The following NEK3 variants were observed in gnomAD, a reference collection of about 807,000 sequenced individuals.
The protein encoded by NEK3 is serine/threonine-protein kinase Nek3.
A neutral mutation model predicts 66.0 loss-of-function variants in NEK3; 54 were observed. The observed-to-expected ratio is 0.82, with a 90% CI of 0.66 to 1.03. The LOEUF (loss-of-function observed/expected upper bound fraction) is 1.03. NEK3 is among the 50% of genes least tolerant of loss of function. The pLI, the probability that NEK3 is intolerant of heterozygous loss-of-function variation, is 0.00. For synonymous variants in NEK3, 200 were observed against 206.2 expected (o/e 0.97, Z 0.26); for missense variants, 593 against 603.0 (o/e 0.98, Z 0.17).
rs1411678031 is a variant in NEK3, at chr13:52,132,784, C to T, written c.*358G>A. ...GTGGTCAGCATCCCTCTGAGGTAGG[C>T]ATTATTATCTTCATTTTATGGTTGA... is the stretch of plus-strand genomic sequence containing the variant. On this transcript the variant is annotated 3_prime_UTR_variant, in exon 16 of 16. Transcript: ENST00000610828. The T allele has an allele frequency of 3.9e-5, 8 of 205,224 alleles. No homozygotes were observed. The Admixed American group carries it at 4.3e-4, about 11-fold the overall frequency. 12.7% of individuals were successfully genotyped at this position (205,224 alleles called of 1,614,324 possible).
intron 11 of NEK3, among the ~76,000 whole-genome samples, 168 bp from the exon 12 acceptor site, chr13:52,137,070 A>G (rs1956212532): frequency 1.3e-5 from 2 of 152,122 alleles, no homozygotes; most frequent in African/African-American, 2.4e-5. Flanking sequence ...ATATATATCT[A>G]TATGTATTTA....
chr13:52,148,783 G>A (rs1369751963), intron 7 of NEK3, among the ~76,000 whole-genome samples: 10 of 152,184 alleles, frequency 6.6e-5, no homozygotes. Context: ...AAGGCATCCA[G>A]TGTAGTTTCT....
upstream of NEK3, chr13:52,159,836 GCTAGCTAGAACTTA>G (rs544886221): frequency 2.6e-5 from 4 of 152,400 alleles, no homozygotes; most frequent in South Asian, 8.3e-4. Context: ...AGCACTCAGT[GCTAGCTAGAACTTA>G]CTAGCTATGT....
At chr13:52,143,888 C>CA (rs1956271639) in intron 10 of NEK3, 27 bp downstream of exon 10, 3 of 1,233,910 alleles carry the variant, frequency 2.4e-6, no homozygotes, top group East Asian at 5.1e-5. Flanking sequence ...GAGCACTTAA[C>CA]AAAAAATACT....
chr13:52,149,181 G>A (rs917485483), intron 7 of NEK3, among the ~76,000 whole-genome samples: 2 of 151,774 alleles, frequency 1.3e-5, no homozygotes, highest in East Asian at 1.9e-4. Flanking sequence ...TTACAGGTGT[G>A]AGCCACCGCG....
chr13:52,144,800 A>C lies in NEK3; in HGVS notation c.695T>G (p.Phe232Cys). Residue 232 changes from phenylalanine to cysteine, a missense_variant, in exon 9 of 16, where the codon TTC (phenylalanine) becomes TGC (cysteine). Coordinates refer to ENST00000610828, the MANE Select transcript of NEK3 (RefSeq NM_002498.3). ...LPSHYSYELQ[F>C]LVKQMFKRNP... is the part of the protein sequence containing the mutation. ...CCTTTTAAACATCTGCTTGACTAGG[A>C]ACTGAAGTTCATAGGAGTAATGAGA... 6.2e-7 allele frequency: 1 copy of C among 1,613,584 alleles called. No homozygotes were observed. Among genetic ancestry groups the C allele is most frequent in the South Asian group, 1.1e-5 (1 of 91,012 alleles).
rs969236773 is a variant in NEK3, at chr13:52,133,087, T to A, written c.*55A>T. 1 of 1,356,852 alleles carries A rather than the reference T, an allele frequency of 7.4e-7. No homozygotes were observed. Among genetic ancestry groups the A allele is most frequent in the East Asian group, 2.4e-5 (1 of 42,108 alleles). 84.1% of individuals were successfully genotyped at this position (1,356,852 alleles called of 1,614,324 possible). ...GCATGAACTCATGATCATCTCAGCA[T>A]GAACTCCTGAGTGAAGCCTCTCCTC... On this transcript the variant is annotated 3_prime_UTR_variant, in exon 16 of 16. Coordinates refer to ENST00000610828, the MANE Select transcript of NEK3 (RefSeq NM_002498.3).
At position 52,155,995 on chromosome 13, in the gene NEK3, A is replaced by G. The variant is rs530412424; in HGVS notation, c.117+80T>C. 12 of 864,638 alleles carry G rather than the reference A, an allele frequency of 1.4e-5. No individual in the cohort carries two copies. The African/African-American group carries it at 1.5e-4, about 11-fold the overall frequency. The allele number at this position is 864,638 out of a possible 1,614,324, so 53.6% of individuals were successfully genotyped here. The stretch of plus-strand genomic sequence containing the variant: ...AGTGCTGGGATTACAGGTGTGAGCC[A>G]CTGTGCCTGGCCAAAAACTTATTCT... On this transcript the variant is annotated intron_variant, in intron 2 of 15. Coordinates refer to ENST00000610828, the MANE Select transcript of NEK3 (RefSeq NM_002498.3).
In NEK3 at chr13:52,132,993, A is replaced by T. The variant is rs1956166200; in HGVS notation, c.*149T>A. 1.5e-6 allele frequency: 1 copy of T among 661,016 alleles called. No homozygotes were observed. Among genetic ancestry groups the T allele is most frequent in the Admixed American group, 2.7e-5 (1 of 36,518 alleles). 40.9% of individuals were successfully genotyped at this position (661,016 alleles called of 1,614,324 possible). A position where few individuals can be genotyped will look rare whatever the true frequency, so the allele number is the denominator to read the frequency against. ...CTAGACTTTTCAAACTCACGATACT[A>T]ATCAAGAACGATTTTAAGTATTAAG... is the stretch of plus-strand genomic sequence containing the variant. On this transcript the variant is annotated 3_prime_UTR_variant, in exon 16 of 16. Transcript: ENST00000610828.
chr13:52,154,264 C>T, intron 2 of NEK3, 91 bp from the exon 3 acceptor site: 1 of 756,572 alleles, frequency 1.3e-6, no homozygotes, highest in East Asian at 2.8e-5. Flanking sequence ...CACTTTAATG[C>T]TAGATGCAGT....
chr13:52,146,660 T>G (rs1171312879), intron 8 of NEK3, among the ~76,000 whole-genome samples: 1 of 152,260 alleles, frequency 6.6e-6, no homozygotes, highest in Admixed American at 6.5e-5. Flanking sequence ...ATCACCTGTT[T>G]TAAAAACATT....
At chr13:52,145,937 G>A (rs1190565706) in intron 8 of NEK3, among the ~76,000 whole-genome samples, 1 of 152,094 alleles carries the variant, frequency 6.6e-6, no homozygotes, top group Non-Finnish European at 1.5e-5. Context: ...ATGTACCCCA[G>A]AACTTAAAAT....
intron 8 of NEK3, among the ~76,000 whole-genome samples, chr13:52,145,629 A>T (rs1358559104): frequency 1.3e-5 from 2 of 152,134 alleles, no homozygotes; most frequent in Non-Finnish European, 2.9e-5. Flanking sequence ...TTCCAATTTT[A>T]AACTTCTACT....
At position 52,135,753 on chromosome 13, in the gene NEK3, G is replaced by A. The variant is rs749800737; in HGVS notation, c.1285C>T (p.Gln429Ter). The A allele has an allele frequency of 1.7e-5, 27 of 1,613,330 alleles. No individual in the cohort carries two copies. In the Admixed American group the frequency reaches 2.0e-4, roughly 12 times the overall value. Residue 429 changes from glutamine to a stop codon, truncating the protein, a stop_gained, in exon 14 of 16, where the codon CAA (glutamine) becomes TAA (stop). Transcript: ENST00000610828. LOFTEE classifies it high-confidence loss of function. ...CCTGGTCTATATATTGTGTATGTTT[G>A]AAAAGCCAAGCTGAGATCAGCATTC... Reference protein sequence around the residue: ...LKNADLSLAFQTYTIYRPGSE... With the variant: ...LKNADLSLAF
At chr13:52,150,500 CA>C (rs1447679142) in intron 7 of NEK3, among the ~76,000 whole-genome samples, 2 of 152,148 alleles carry the variant, frequency 1.3e-5, no homozygotes, top group African/African-American at 2.4e-5. Flanking sequence ...ATGTTATTGG[CA>C]GTTAAGAAAA....
intron 11 of NEK3, among the ~76,000 whole-genome samples, chr13:52,140,328 G>A (rs1363870792): frequency 3.3e-5 from 5 of 151,948 alleles, no homozygotes; most frequent in Non-Finnish European, 7.4e-5. Context: ...AAAAATGGAG[G>A]CCGGGCACGG....
At position 52,144,842 on chromosome 13, in the gene NEK3, C is replaced by A; in HGVS notation, c.653G>T (p.Cys218Phe). Residue 218 changes from cysteine to phenylalanine, a missense_variant, in exon 9 of 16, where the codon TGC (cysteine) becomes TTC (phenylalanine). Physicochemically the swap from Cys to Phe is radical, Grantham distance 205 (BLOSUM62 -2). Transcript: ENST00000610828. Reference sequence around the variant, plus strand: ...GTAATGAGACGGCAGTGGACTGATGCACCCTTGACATACTTTGAGGATAAG... The same window carrying A: ...GTAATGAGACGGCAGTGGACTGATGAACCCTTGACATACTTTGAGGATAAG... ...KNLILKVCQG[C>F]ISPLPSHYSY... 6.2e-7 allele frequency: 1 copy of A among 1,612,460 alleles called. No homozygotes were observed. Among genetic ancestry groups the A allele is most frequent in the Non-Finnish European group, 8.5e-7 (1 of 1,179,122 alleles).
Position 52,135,777 on chromosome 13 carries a change from T to G in NEK3, c.1261A>C (p.Asn421His). Residue 421 changes from asparagine to histidine, a missense_variant, in exon 14 of 16, where the codon AAT becomes CAT. By Grantham distance (68) the Asn-to-His change is moderately conservative (BLOSUM62 1). Coordinates refer to ENST00000610828, the MANE Select transcript of NEK3 (RefSeq NM_002498.3). ...TPDTLLNILK[N>H]ADLSLAFQTY... is the part of the protein sequence containing the mutation. The stretch of plus-strand genomic sequence containing the variant: ...TGAAAAGCCAAGCTGAGATCAGCAT[T>G]CTTAAGGATGTTCAACAAAGTGTCA... The G allele has an allele frequency of 6.2e-7, 1 of 1,613,714 alleles. No homozygotes were observed. Among genetic ancestry groups the G allele is most frequent in the Middle Eastern group, 1.6e-4 (1 of 6,062 alleles).
At chr13:52,144,558 C>CT (rs1398425037) in intron 9 of NEK3, 133 bp downstream of exon 9, 1 of 731,774 alleles carries the variant, frequency 1.4e-6, no homozygotes, top group Non-Finnish European at 2.2e-6. Context: ...GAAGTTTTAA[C>CT]TTTTTATTTT....
Sources: gnomAD v4.1 joint callset for allele counts (sites outside exome capture counted in the v4.1 genomes callset) on GRCh38, gnomAD v4.1.1 for gene constraint, MANE v1.5 for transcripts, NCBI Gene and HGNC (gene_info 2026-07-23, HGNC 2026-07-21) for gene names.